ERC2: variants seen among roughly 807,000 people sequenced by gnomAD.
ERC2 encodes ERC protein 2.
A neutral mutation model predicts 114.8 loss-of-function variants in ERC2; 42 were observed. The ratio of observed to expected loss-of-function variants is 0.37; its 90% confidence interval spans 0.29 to 0.47. The LOEUF is 0.47. Among genes scored for constraint, ERC2 ranks in the 20% least tolerant of loss-of-function variants. The probability of loss-of-function intolerance (pLI) is 0.99; values close to 1 mark genes in which losing one functional copy is unlikely to be tolerated. For synonymous variants in ERC2, 454 were observed against 425.5 expected (o/e 1.07, Z -0.82); for missense variants, 939 against 1,150.7 (o/e 0.82, Z 2.66).
At chr3:55,627,138 C>T (rs2059550116) in intron 17 of ERC2, among the ~76,000 whole-genome samples, 1 of 152,228 alleles carries the variant, frequency 6.6e-6, no homozygotes, top group Admixed American at 6.5e-5. Flanking sequence ...TTGGCTTCAG[C>T]TCCACAAAAC....
At chr3:56,429,101 CAGA>C in intron 2 of ERC2, among the ~76,000 whole-genome samples, 1 of 152,324 alleles carries the variant, frequency 6.6e-6, no homozygotes, top group Non-Finnish European at 1.5e-5. Flanking sequence ...AACTACAACA[CAGA>C]AGTTTTTATA....
intron 17 of ERC2, chr3:55,608,047 T>C (rs906463792): frequency 6.6e-6 from 1 of 152,088 alleles, no homozygotes; most frequent in African/African-American, 2.4e-5. Context: ...GCAGCTTGAA[T>C]ATTGCCCAGG....
intron 8 of ERC2, among the ~76,000 whole-genome samples, chr3:56,018,468 C>A (rs527964352): frequency 6.6e-6 from 1 of 151,928 alleles, no homozygotes; most frequent in African/African-American, 2.4e-5. Flanking sequence ...TCTAGAAGCC[C>A]CACATAACTA....
chr3:56,241,584 A>C (rs889996845), intron 3 of ERC2, among the ~76,000 whole-genome samples: 4 of 152,228 alleles, frequency 2.6e-5, no homozygotes, highest in Admixed American at 6.5e-5. Context: ...AGAAAATTGG[A>C]ATAAGGAAAA....
chr3:55,843,919 T>C (rs1039753594), intron 14 of ERC2, among the ~76,000 whole-genome samples: 2 of 152,240 alleles, frequency 1.3e-5, no homozygotes, highest in Non-Finnish European at 2.9e-5. Context: ...CTGGGCTTCG[T>C]AAATTGGAAT....
chr3:56,085,491 T>A (rs2077456551), intron 6 of ERC2, among the ~76,000 whole-genome samples: 1 of 152,116 alleles, frequency 6.6e-6, no homozygotes, highest in African/African-American at 2.4e-5. Flanking sequence ...ATACAGGGCC[T>A]GGAAAGGTGG....
chr3:56,046,956 C>T (rs1208695265), intron 7 of ERC2, among the ~76,000 whole-genome samples: 1 of 152,180 alleles, frequency 6.6e-6, no homozygotes, highest in African/African-American at 2.4e-5. Flanking sequence ...CAGATTCATT[C>T]CGCTAGTGGA....
intron 17 of ERC2, among the ~76,000 whole-genome samples, chr3:55,526,145 C>T (rs861564): frequency 0.72 from 109,575 of 151,880 alleles, 41,233 homozygotes; most frequent in African/African-American, 0.92. Flanking sequence ...CCAAGGAATG[C>T]CAAGGGTACC....
intron 13 of ERC2, among the ~76,000 whole-genome samples, chr3:55,903,093 T>C (rs763959705): frequency 6.6e-6 from 1 of 152,216 alleles, no homozygotes; most frequent in Non-Finnish European, 1.5e-5. Flanking sequence ...ATCTGCCAGA[T>C]TGTACCATTT....
chr3:55,583,728 A>G, intron 17 of ERC2, among the ~76,000 whole-genome samples: 1 of 151,620 alleles, frequency 6.6e-6, no homozygotes, highest in Non-Finnish European at 1.5e-5. Context: ...GGATCTGCTC[A>G]GTATAGGTGA....
chr3:55,664,736 T>G (rs815473), intron 17 of ERC2, among the ~76,000 whole-genome samples: 119,330 of 152,126 alleles, frequency 0.78, 46,828 homozygotes, highest in Admixed American at 0.83. Flanking sequence ...GGCGAGGTTG[T>G]GGGGAAACCA....
At chr3:56,133,004 C>A (rs778418316) in intron 6 of ERC2, among the ~76,000 whole-genome samples, 12 of 152,156 alleles carry the variant, frequency 7.9e-5, no homozygotes, top group Non-Finnish European at 1.3e-4. Context: ...AATGTTACCA[C>A]GAGGATTTAA....
chr3:56,428,295 C>A (rs965403355), intron 2 of ERC2, among the ~76,000 whole-genome samples: 2 of 151,878 alleles, frequency 1.3e-5, no homozygotes, highest in Non-Finnish European at 2.9e-5. Context: ...CTGAGGCGGG[C>A]GGATCACCTG....
At chr3:55,925,297 C>A (rs1013529860) in intron 13 of ERC2, among the ~76,000 whole-genome samples, 2 of 152,014 alleles carry the variant, frequency 1.3e-5, no homozygotes, top group Admixed American at 6.6e-5. Context: ...ATCTTAGGTA[C>A]GGCAGTTATG....
At chr3:56,180,917 G>A (rs1048360108) in intron 3 of ERC2, among the ~76,000 whole-genome samples, 1 of 152,180 alleles carries the variant, frequency 6.6e-6, no homozygotes, top group African/African-American at 2.4e-5. Flanking sequence ...TGAAGTTGGT[G>A]TCTATCTTTT....
rs200308050 is a variant in ERC2, at chr3:55,880,790, C to CAA, written c.2564+7597_2564+7598dup. Among the ~76,000 whole-genome samples the CAA allele has an allele frequency of 1.7e-3, 207 of 124,446 alleles. 1 individual carries two copies. The highest frequency in any genetic ancestry group is 4.2e-3 in the African/African-American group (148 of 35,504). 81.6% of individuals were successfully genotyped at this position (124,446 alleles called of 152,430 possible). On this transcript the variant is annotated intron_variant, in intron 14 of 17. Coordinates refer to ENST00000288221, the MANE Select transcript of ERC2 (RefSeq NM_015576.3). ...GGTTAAAGAAAGAATAGTATTATAG[C>CAA]AAAAAAAAAAAAGAAAAAAAAGAAA...
At chr3:55,974,099 C>T (rs1049396494) in intron 12 of ERC2, among the ~76,000 whole-genome samples, 1 of 152,086 alleles carries the variant, frequency 6.6e-6, no homozygotes, top group Non-Finnish European at 1.5e-5. Flanking sequence ...ATCAGGCATA[C>T]CGACAAAGTA....
At chr3:55,595,439 T>C (rs1156483245) in intron 17 of ERC2, among the ~76,000 whole-genome samples, 1 of 152,212 alleles carries the variant, frequency 6.6e-6, no homozygotes. Flanking sequence ...CCCTTACCCT[T>C]TTGGGAGACG....
chr3:56,027,497 T>C (rs948237056), intron 7 of ERC2, among the ~76,000 whole-genome samples: 3 of 152,220 alleles, frequency 2.0e-5, no homozygotes, highest in Non-Finnish European at 4.4e-5. Context: ...ATCAGTATTT[T>C]TTATTTTGGT....
Sources: gnomAD v4.1 joint callset for allele counts (sites outside exome capture counted in the v4.1 genomes callset) on GRCh38, gnomAD v4.1.1 for gene constraint, MANE v1.5 for transcripts, NCBI Gene and HGNC (gene_info 2026-07-23, HGNC 2026-07-21) for gene names.